GON4L: variants seen among roughly 807,000 people sequenced by gnomAD.
GON4L encodes gon-4 like.
GON4L carries 87 observed loss-of-function variants against 211.8 expected under a neutral mutation model. The ratio of observed to expected loss-of-function variants is 0.41; its 90% confidence interval spans 0.35 to 0.49. The LOEUF (loss-of-function observed/expected upper bound fraction) is 0.49, where lower values mean the gene tolerates loss of function less well. Among genes scored for constraint, GON4L ranks in the 20% least tolerant of loss-of-function variants. The pLI is 0.15. For missense variants in GON4L, 2,155 were observed against 2,659.5 expected, an observed-to-expected ratio of 0.81 and a Z score of 4.17; for synonymous variants, 875 against 962.6, an observed-to-expected ratio of 0.91 and a Z score of 1.68.
At position 155,821,497 on chromosome 1, in the gene GON4L, C is replaced by T; in HGVS notation, c.940G>A (p.Glu314Lys). 6.2e-7 allele frequency: 1 copy of T among 1,601,752 alleles called. No homozygotes were observed. Among genetic ancestry groups the T allele is most frequent in the Non-Finnish European group, 8.6e-7 (1 of 1,168,876 alleles). The change falls in exon 5 of 32, where the codon GAG (glutamate) becomes AAG (lysine). Residue 314 changes from glutamate to lysine, a missense_variant. Physicochemically the swap from Glu to Lys is moderately conservative, Grantham distance 56. Coordinates refer to ENST00000368331, the MANE Select transcript of GON4L (RefSeq NM_001282860.2). ...ACAAACATTGGCATATCTTCCGTCTCACTGATGGCTGCTTTCATCATAGCT... is the reference window on the plus strand; with the variant it reads ...ACAAACATTGGCATATCTTCCGTCTTACTGATGGCTGCTTTCATCATAGCT... ...VVAMMKAAIS[E>K]TEDMPMFEPK...
chr1:155,762,891 C>T (rs113516516), intron 22 of GON4L, among the ~76,000 whole-genome samples: 5,501 of 152,066 alleles, frequency 0.036, 142 homozygotes, highest in Non-Finnish European at 0.048. Flanking sequence ...CAAAAATTAG[C>T]TGGGTGTGGG....
intron 11 of GON4L, among the ~76,000 whole-genome samples, chr1:155,799,177 G>A (rs915344724): frequency 2.0e-5 from 3 of 152,208 alleles, no homozygotes; most frequent in Non-Finnish European, 4.4e-5. Flanking sequence ...GCTCACGCCT[G>A]TAATCCCAGC....
chr1:155,820,806 C>T (rs1444855261), intron 5 of GON4L, 150 bp from the exon 6 acceptor site: 1 of 660,208 alleles, frequency 1.5e-6, no homozygotes, highest in Middle Eastern at 4.1e-4. Flanking sequence ...CAGAGTGAGA[C>T]ACCCTCCCTA....
At chr1:155,805,334 A>G (rs1667031312) in intron 10 of GON4L, among the ~76,000 whole-genome samples, 193 bp from the exon 11 acceptor site, 3 of 152,202 alleles carry the variant, frequency 2.0e-5, no homozygotes, top group African/African-American at 7.2e-5. Context: ...TGAAACCAAC[A>G]TTTTAGGAAA....
downstream of GON4L, chr1:155,748,734 C>T (rs1247745425): frequency 2.5e-5 from 40 of 1,614,028 alleles, no homozygotes; most frequent in Middle Eastern, 1.6e-4. Flanking sequence ...TTCTGGAACA[C>T]GTTGCTTTGC....
chr1:155,782,768 T>A (rs767790729), intron 14 of GON4L, among the ~76,000 whole-genome samples: 1 of 152,134 alleles, frequency 6.6e-6, no homozygotes, highest in Non-Finnish European at 1.5e-5. Context: ...CAAGTGAGTA[T>A]CCTGCCTCAG....
intron 2 of GON4L, among the ~76,000 whole-genome samples, chr1:155,852,353 C>T (rs1671871914): frequency 6.6e-6 from 1 of 152,006 alleles, no homozygotes; most frequent in South Asian, 2.1e-4. Flanking sequence ...TTCCCAGTGT[C>T]CCAGGCAGTA....
chr1:155,767,373 G>C (rs137857601), intron 20 of GON4L, 52 bp downstream of exon 20: 2 of 1,613,900 alleles, frequency 1.2e-6, no homozygotes, highest in African/African-American at 2.7e-5. Context: ...TATTCTCTCA[G>C]AACTTTCAGT....
intron 12 of GON4L, among the ~76,000 whole-genome samples, chr1:155,785,596 C>T (rs1010159783): frequency 7.2e-5 from 11 of 152,068 alleles, no homozygotes; most frequent in Non-Finnish European, 8.8e-5. Context: ...TCCAATCGCT[C>T]CTCCCACCTC....
chr1:155,827,580 G>T (rs563435709), intron 2 of GON4L, among the ~76,000 whole-genome samples: 2 of 152,052 alleles, frequency 1.3e-5, no homozygotes, highest in South Asian at 2.1e-4. Context: ...AGTTACTTGG[G>T]GGGGCTGAGC....
chr1:155,806,545 C>T (rs1216800164), intron 10 of GON4L, among the ~76,000 whole-genome samples: 3 of 152,006 alleles, frequency 2.0e-5, no homozygotes, highest in Non-Finnish European at 4.4e-5. Flanking sequence ...AATCCTCCTG[C>T]CTTGGCCTTC....
At chr1:155,788,982 C>G (rs574242041) in intron 12 of GON4L, among the ~76,000 whole-genome samples, 13 of 150,578 alleles carry the variant, frequency 8.6e-5, no homozygotes, top group African/African-American at 3.2e-4. Context: ...CCCAGCTACT[C>G]GGGAGTCTGA....
downstream of GON4L, chr1:155,746,227 C>T: frequency 2.7e-6 from 4 of 1,478,184 alleles, no homozygotes; most frequent in Non-Finnish European, 3.7e-6. Flanking sequence ...AAGACCCTCC[C>T]ACTTTACCGA....
intron 24 of GON4L, among the ~76,000 whole-genome samples, chr1:155,759,964 A>G (rs993111287): frequency 7.5e-6 from 1 of 134,078 alleles, no homozygotes; most frequent in East Asian, 2.0e-4. Flanking sequence ...TATTTTATAT[A>G]TTATATATAT....
chr1:155,838,026 AG>A (rs1400654005), intron 2 of GON4L, among the ~76,000 whole-genome samples: 1 of 152,136 alleles, frequency 6.6e-6, no homozygotes, highest in Non-Finnish European at 1.5e-5. Flanking sequence ...TGGGAGGCTA[AG>A]GTGGGAGGAC....
downstream of GON4L, chr1:155,748,770 A>G (rs1660352194): frequency 6.2e-7 from 1 of 1,613,966 alleles, no homozygotes; most frequent in Non-Finnish European, 8.5e-7. Flanking sequence ...GAGGGTATAG[A>G]CAGAGCATGC....
chr1:155,837,416 T>C (rs916731089), intron 2 of GON4L, among the ~76,000 whole-genome samples: 1 of 152,222 alleles, frequency 6.6e-6, no homozygotes, highest in Admixed American at 6.5e-5. Context: ...CATTTGCTGC[T>C]ACGGGAGCCT....
intron 21 of GON4L, among the ~76,000 whole-genome samples, chr1:155,763,814 C>A (rs1662101639): frequency 6.6e-6 from 1 of 151,974 alleles, no homozygotes; most frequent in Non-Finnish European, 1.5e-5. Context: ...ACCAGCCTCG[C>A]CAACATGATG....
chr1:155,762,998 T>A (rs1416545572), intron 22 of GON4L, among the ~76,000 whole-genome samples: 1 of 150,340 alleles, frequency 6.7e-6, no homozygotes, highest in Non-Finnish European at 1.5e-5. Context: ...ATCGCACCAC[T>A]GCACTCCAGC....
Sources: gnomAD v4.1 joint callset for allele counts (sites outside exome capture counted in the v4.1 genomes callset) on GRCh38, gnomAD v4.1.1 for gene constraint, MANE v1.5 for transcripts, NCBI Gene and HGNC (gene_info 2026-07-23, HGNC 2026-07-21) for gene names.